The following DISP1 variants were observed in gnomAD, a reference collection of about 807,000 sequenced individuals.
DISP1 encodes the protein dispatched RND transporter family member 1, also known as protein dispatched homolog 1.
Under a neutral mutation model 37.3 loss-of-function variants are expected in DISP1, and 30 were observed. The observed-to-expected ratio is 0.80, with a 90% CI of 0.60 to 1.09. DISP1 has a LOEUF of 1.09. Among genes scored for constraint, DISP1 ranks in the 50% least tolerant of loss-of-function variants. The pLI is 0.00. For synonymous variants in DISP1, 634 were observed against 690.2 expected, an observed-to-expected ratio of 0.92 and a Z score of 1.28; for missense variants, 1,598 against 1,879.5, an observed-to-expected ratio of 0.85 and a Z score of 2.77.
At chr1:222,909,725 C>T (rs1382323766) in intron 1 of DISP1, among the ~76,000 whole-genome samples, 2 of 152,148 alleles carry the variant, frequency 1.3e-5, no homozygotes, top group African/African-American at 4.8e-5. Flanking sequence ...GACCAGGAGG[C>T]GACCAGAAAT....
intron 8 of DISP1, among the ~76,000 whole-genome samples, chr1:222,999,519 C>G (rs754069959): frequency 4.6e-5 from 7 of 152,118 alleles, no homozygotes; most frequent in Non-Finnish European, 7.4e-5. Flanking sequence ...TACTTACAGA[C>G]TTTGGTACTT....
At chr1:222,824,429 CT>C (rs34682526) in intron 1 of DISP1, among the ~76,000 whole-genome samples, 17,148 of 152,150 alleles carry the variant, frequency 0.11, 1,271 homozygotes, top group South Asian at 0.16. Context: ...AGCCCTTCTG[CT>C]TTTGCTTATA....
intron 1 of DISP1, among the ~76,000 whole-genome samples, chr1:222,883,343 G>C (rs1558310238): frequency 2.0e-5 from 3 of 152,120 alleles, no homozygotes; most frequent in Non-Finnish European, 4.4e-5. Flanking sequence ...AAGATGGCTG[G>C]GCACGGTGGC....
At position 223,004,742 on chromosome 1, in the gene DISP1, C is replaced by G. The variant is rs548908533; in HGVS notation, c.3345C>G (p.Ile1115Met). The G allele has an allele frequency of 1.4e-5, 23 of 1,613,856 alleles. 1 individual carries two copies. The South Asian group carries it at 1.6e-4, about 12-fold the overall frequency. Residue 1115 changes from isoleucine to methionine, a missense_variant, in exon 9 of 9, where the codon ATC becomes ATG. Coordinates refer to ENST00000675850, the MANE Select transcript of DISP1 (RefSeq NM_001377229.1). This position sits in a 1 kb window ranked among gnomAD's most constrained non-coding sequence, Gnocchi z 4.9. ...AGCTGGGCACCTTCATGATGCTCAT[C>G]ATGTGTATCAGTTGGGCTTTCGCCA... is the stretch of plus-strand genomic sequence containing the variant. Reference protein sequence around the residue: ...YTQLGTFMMLIMCISWAFATF... With the variant: ...YTQLGTFMMLMMCISWAFATF...
Position 223,005,411 on chromosome 1 carries a change from G to T in DISP1, c.4014G>T (p.Leu1338=). The T allele has an allele frequency of 6.2e-7, 1 of 1,613,600 alleles. No individual in the cohort carries two copies. The highest frequency in any genetic ancestry group is 8.5e-7 in the Non-Finnish European group (1 of 1,180,042). ...PITHIHHCPC[L]QGRVKPAGMQ... ...CGCACATCCACCACTGTCCCTGCCT[G>T]CAGGGCAGAGTAAAGCCAGCCGGAA... The change falls in exon 9 of 9, where the codon CTG becomes CTT. Residue 1338 remains leucine (L), a synonymous_variant. Coordinates refer to ENST00000675850, the MANE Select transcript of DISP1 (RefSeq NM_001377229.1).
intron 3 of DISP1, among the ~76,000 whole-genome samples, chr1:222,958,214 C>T (rs373922553): frequency 1.3e-5 from 2 of 152,190 alleles, no homozygotes; most frequent in South Asian, 2.1e-4. Flanking sequence ...TTGTTCACTG[C>T]AGTCTTTTAA....
intron 1 of DISP1, among the ~76,000 whole-genome samples, chr1:222,834,567 A>AG (rs2125258199): frequency 6.6e-6 from 1 of 152,350 alleles, no homozygotes; most frequent in Non-Finnish European, 1.5e-5. Flanking sequence ...TGTCACAGAC[A>AG]GGTAGGGCAC....
intron 3 of DISP1, among the ~76,000 whole-genome samples, chr1:222,959,918 A>T (rs1207502832): frequency 1.3e-5 from 2 of 152,142 alleles, no homozygotes; most frequent in Non-Finnish European, 2.9e-5. Context: ...ACAATTTAAC[A>T]AGAAGAGCTA....
chr1:222,846,961 T>C (rs1305187972), intron 1 of DISP1, among the ~76,000 whole-genome samples: 2 of 152,230 alleles, frequency 1.3e-5, no homozygotes, highest in Non-Finnish European at 2.9e-5. Context: ...TGTGAAACTA[T>C]TATATCTATT....
intron 2 of DISP1, among the ~76,000 whole-genome samples, chr1:222,936,371 T>C (rs2609343): frequency 6.6e-6 from 1 of 151,576 alleles, no homozygotes; most frequent in East Asian, 1.9e-4. Context: ...ATTTTCAATG[T>C]GATGCAACTT....
At chr1:222,967,623 G>A (rs1344251296) in intron 3 of DISP1, among the ~76,000 whole-genome samples, 1 of 152,086 alleles carries the variant, frequency 6.6e-6, no homozygotes, top group East Asian at 1.9e-4. Flanking sequence ...GAGAGCCCTT[G>A]GATTCTACAT....
At chr1:222,879,476 T>C (rs1195952571) in intron 1 of DISP1, among the ~76,000 whole-genome samples, 1 of 152,172 alleles carries the variant, frequency 6.6e-6, no homozygotes, top group Admixed American at 6.5e-5. Context: ...TCATGAAGAA[T>C]GGCAAAGATA....
At chr1:222,854,235 G>T (rs1668427537) in intron 1 of DISP1, among the ~76,000 whole-genome samples, 1 of 152,186 alleles carries the variant, frequency 6.6e-6, no homozygotes, top group African/African-American at 2.4e-5. Context: ...TTCTCATGCT[G>T]CTGTCAAGAA....
chr1:222,819,105 G>T (rs892915789), intron 1 of DISP1, among the ~76,000 whole-genome samples: 1 of 152,128 alleles, frequency 6.6e-6, no homozygotes, highest in African/African-American at 2.4e-5. Flanking sequence ...TCATGATAGA[G>T]TTCTCACAAA....
At chr1:222,822,756 A>G (rs1369530622) in intron 1 of DISP1, among the ~76,000 whole-genome samples, 1 of 152,246 alleles carries the variant, frequency 6.6e-6, no homozygotes, top group Non-Finnish European at 1.5e-5. Context: ...CCTCTAAAAT[A>G]TCAGAGTGAG....
At chr1:222,878,987 A>G (rs1308199436) in intron 1 of DISP1, among the ~76,000 whole-genome samples, 1 of 152,152 alleles carries the variant, frequency 6.6e-6, no homozygotes, top group East Asian at 1.9e-4. Flanking sequence ...AAGCATTTTA[A>G]TTAATGCATG....
chr1:222,948,299 C>A (rs1674944506), intron 3 of DISP1, among the ~76,000 whole-genome samples: 1 of 152,152 alleles, frequency 6.6e-6, no homozygotes, highest in Non-Finnish European at 1.5e-5. Context: ...CTCAGGCCAG[C>A]AGGTATTATA....
At chr1:222,999,243 G>T (rs915472915) in intron 8 of DISP1, among the ~76,000 whole-genome samples, 5 of 152,106 alleles carry the variant, frequency 3.3e-5, no homozygotes, top group Non-Finnish European at 5.9e-5. Flanking sequence ...CATCCATTTT[G>T]TGAATAACTA....
At chr1:222,836,742 A>AATAT (rs67076863) in intron 1 of DISP1, among the ~76,000 whole-genome samples, 5,234 of 144,368 alleles carry the variant, frequency 0.036, 104 homozygotes, top group Non-Finnish European at 0.043. Flanking sequence ...AATTAAAAAG[A>AATAT]ATATATATAT....
Sources: allele counts gnomAD v4.1 joint callset (sites outside exome capture counted in the v4.1 genomes callset), GRCh38; gene constraint gnomAD v4.1.1; non-coding constraint Gnocchi (gnomAD v3.1); transcripts MANE v1.5; gene names NCBI Gene and HGNC (gene_info 2026-07-23, HGNC 2026-07-21).